CTNNA2: variants seen among roughly 807,000 people sequenced by gnomAD.
CTNNA2 encodes catenin alpha 2.
CTNNA2 carries 42 observed loss-of-function variants against 101.0 expected under a neutral mutation model. That is an observed-to-expected ratio of 0.42 (90% CI 0.32 to 0.54). CTNNA2 has a LOEUF of 0.54. Ranked by LOEUF, CTNNA2 falls within the 20% of genes least tolerant of loss-of-function variation. CTNNA2 has a pLI of 0.14. For synonymous variants in CTNNA2, 450 were observed against 456.4 expected, an observed-to-expected ratio of 0.99 and a Z score of 0.18; for missense variants, 871 against 1,223.1, an observed-to-expected ratio of 0.71 and a Z score of 4.29.
At chr2:79,894,605 G>A (rs2974173) in intron 6 of CTNNA2, among the ~76,000 whole-genome samples, 1 of 151,964 alleles carries the variant, frequency 6.6e-6, no homozygotes, top group South Asian at 2.1e-4. Flanking sequence ...TGGCCCTCAT[G>A]GGAGTTCCTC....
At chr2:79,620,476 C>A in intron 1 of CTNNA2, among the ~76,000 whole-genome samples, 1 of 152,222 alleles carries the variant, frequency 6.6e-6, no homozygotes, top group East Asian at 1.9e-4. Flanking sequence ...ACATATGTGT[C>A]TTTCACCTTC....
intron 4 of CTNNA2, among the ~76,000 whole-genome samples, chr2:79,862,003 C>G (rs1681660122): frequency 6.6e-6 from 1 of 152,108 alleles, no homozygotes; most frequent in Non-Finnish European, 1.5e-5. Flanking sequence ...TTAAAGGAAT[C>G]CTGCATGTCA....
chr2:79,924,533 A>C (rs116118401), intron 7 of CTNNA2, among the ~76,000 whole-genome samples: 2,077 of 152,256 alleles, frequency 0.014, 52 homozygotes, highest in African/African-American at 0.048. Flanking sequence ...GTGTTAAATC[A>C]ATCAGCCATC....
Position 79,844,094 on chromosome 2 carries a change from AT to A in CTNNA2, c.299-13915del, listed in dbSNP as rs143269510. On this transcript the variant is annotated intron_variant, in intron 3 of 18. Transcript: ENST00000402739. Reference sequence around the variant, plus strand: ...TTCACTGGCAGGTACAAACAGTGCAATTTTCAAGTCATTTATAATGATTTTC... The same window carrying A: ...TTCACTGGCAGGTACAAACAGTGCAATTTCAAGTCATTTATAATGATTTTC... Among the ~76,000 whole-genome samples, 677 of 152,256 alleles carry A rather than the reference AT, an allele frequency of 4.4e-3. 5 individuals carry two copies. Among genetic ancestry groups the A allele is most frequent in the African/African-American group, 0.014 (592 of 41,542 alleles).
chr2:80,098,739 G>A (rs1379250713), intron 7 of CTNNA2, among the ~76,000 whole-genome samples: 1 of 152,180 alleles, frequency 6.6e-6, no homozygotes, highest in Non-Finnish European at 1.5e-5. Context: ...CTGCTGCCTT[G>A]CAGTTTGATC....
At chr2:79,823,388 C>T (rs562441092) in intron 3 of CTNNA2, among the ~76,000 whole-genome samples, 7 of 152,208 alleles carry the variant, frequency 4.6e-5, no homozygotes, top group Admixed American at 3.9e-4. Context: ...CATGGTATTG[C>T]GTGCTGCTAG....
intron 7 of CTNNA2, among the ~76,000 whole-genome samples, chr2:80,148,904 G>A (rs2148923985): frequency 6.6e-6 from 1 of 151,774 alleles, no homozygotes; most frequent in East Asian, 1.9e-4. Context: ...CCACTCCTCT[G>A]TTCAGTGGAT....
intron 9 of CTNNA2, among the ~76,000 whole-genome samples, chr2:80,444,459 A>G (rs964415135): frequency 1.3e-5 from 2 of 152,158 alleles, no homozygotes; most frequent in Non-Finnish European, 2.9e-5. Flanking sequence ...CTTAATCTGC[A>G]GTTTCTCAAT....
chr2:80,301,146 C>T (rs747389812), intron 7 of CTNNA2, among the ~76,000 whole-genome samples: 9 of 152,158 alleles, frequency 5.9e-5, no homozygotes, highest in Non-Finnish European at 1.0e-4. Context: ...CAAGTCATTA[C>T]CCTGCAGGCA....
chr2:80,342,685 G>A (rs528173093), intron 7 of CTNNA2, among the ~76,000 whole-genome samples: 4 of 151,734 alleles, frequency 2.6e-5, no homozygotes, highest in Admixed American at 6.6e-5. Flanking sequence ...GAAAAAAAAT[G>A]CAGAGTGCCA....
intron 7 of CTNNA2, among the ~76,000 whole-genome samples, chr2:80,178,277 G>T (rs921489175): frequency 1.3e-5 from 2 of 152,128 alleles, no homozygotes; most frequent in African/African-American, 2.4e-5. Flanking sequence ...CCACTTTATG[G>T]CTAGATGGGT....
chr2:79,923,651 A>T (rs1026775100), intron 7 of CTNNA2, among the ~76,000 whole-genome samples: 5 of 152,134 alleles, frequency 3.3e-5, no homozygotes, highest in Middle Eastern at 6.3e-3. Flanking sequence ...TAACTATTGT[A>T]CTGTGTAACT....
intron 7 of CTNNA2, among the ~76,000 whole-genome samples, chr2:79,963,066 G>A (rs202154869): frequency 1.9e-4 from 13 of 67,004 alleles, no homozygotes; most frequent in East Asian, 8.1e-4. Context: ...GCCAGACTCC[G>A]TCTCAAAAAA....
At chr2:80,575,054 T>C (rs1476242941) in intron 13 of CTNNA2, 1 of 152,226 alleles carries the variant, frequency 6.6e-6, no homozygotes, top group Non-Finnish European at 1.5e-5. Flanking sequence ...TAATCCATTA[T>C]AAGATGACTT....
chr2:79,773,988 C>T (rs570699941), intron 3 of CTNNA2, among the ~76,000 whole-genome samples: 1 of 152,266 alleles, frequency 6.6e-6, no homozygotes, highest in Admixed American at 6.5e-5. Context: ...ATGGCTGCTA[C>T]ACCTTCCCCC....
intron 2 of CTNNA2, among the ~76,000 whole-genome samples, chr2:79,704,383 C>T (rs542748465): frequency 1.3e-5 from 2 of 152,100 alleles, no homozygotes; most frequent in Admixed American, 6.5e-5. Flanking sequence ...ATTGTGTGAT[C>T]GATGTTAAAC....
At chr2:79,702,983 T>C (rs1319087623) in intron 2 of CTNNA2, among the ~76,000 whole-genome samples, 1 of 152,166 alleles carries the variant, frequency 6.6e-6, no homozygotes, top group Non-Finnish European at 1.5e-5. Flanking sequence ...TGGTCAAGAA[T>C]ATTTGTTGTT....
At chr2:79,978,011 C>T (rs1690989887) in intron 7 of CTNNA2, among the ~76,000 whole-genome samples, 1 of 152,154 alleles carries the variant, frequency 6.6e-6, no homozygotes, top group Non-Finnish European at 1.5e-5. Flanking sequence ...CGGGTGGTGA[C>T]TCAGGCCTCA....
At chr2:79,620,882 G>A (rs189998077) in intron 1 of CTNNA2, among the ~76,000 whole-genome samples, 3 of 152,300 alleles carry the variant, frequency 2.0e-5, no homozygotes, top group Non-Finnish European at 2.9e-5. Flanking sequence ...TGACTAGAGC[G>A]TTAAAAATTA....
Sources: allele counts gnomAD v4.1 joint callset (sites outside exome capture counted in the v4.1 genomes callset), GRCh38; gene constraint gnomAD v4.1.1; transcripts MANE v1.5; gene names NCBI Gene and HGNC (gene_info 2026-07-23, HGNC 2026-07-21).